Variants in FAM13B observed in about 807,000 individuals in gnomAD.
The protein encoded by FAM13B is protein FAM13B.
In FAM13B, 60 loss-of-function variants were observed where a neutral mutation model predicts 117.3. That is an observed-to-expected ratio of 0.51 (90% confidence interval 0.42 to 0.63). The LOEUF is 0.63. Ranked by LOEUF, FAM13B falls within the 30% of genes least tolerant of loss-of-function variation. FAM13B has a pLI of 0.00. For missense variants in FAM13B, 972 were observed against 1,091.9 expected (o/e 0.89, Z 1.55); for synonymous variants, 332 against 356.1 (o/e 0.93, Z 0.76).
chr5:137,946,895 A>G (rs1032944384), intron 18 of FAM13B, among the ~76,000 whole-genome samples: 3 of 152,208 alleles, frequency 2.0e-5, no homozygotes, highest in African/African-American at 7.2e-5. Flanking sequence ...AAAAAGCTCA[A>G]CAATGTCCAT....
intron 10 of FAM13B, among the ~76,000 whole-genome samples, chr5:137,978,755 C>T (rs1354042920): frequency 2.0e-5 from 3 of 152,224 alleles, no homozygotes; most frequent in Non-Finnish European, 2.9e-5. Flanking sequence ...CTTCAATCCC[C>T]GTTTATTCTA....
chr5:138,010,360 C>G (rs940646039), intron 6 of FAM13B, among the ~76,000 whole-genome samples: 4 of 152,182 alleles, frequency 2.6e-5, no homozygotes, highest in Non-Finnish European at 5.9e-5. Context: ...AATACCAACA[C>G]TTTGGAAGGC....
At chr5:137,971,230 A>G (rs1430645648) in intron 10 of FAM13B, among the ~76,000 whole-genome samples, 2 of 150,474 alleles carry the variant, frequency 1.3e-5, no homozygotes, top group African/African-American at 4.8e-5. Flanking sequence ...TCCTCAGCAA[A>G]TGTAAAAGAA....
intron 10 of FAM13B, 131 bp from the exon 11 acceptor site, chr5:137,962,600 C>G: frequency 1.4e-6 from 1 of 693,962 alleles, no homozygotes; most frequent in Non-Finnish European, 2.4e-6. Flanking sequence ...TTATAATAGT[C>G]TGTAGTACTT....
At position 138,011,287 on chromosome 5, in the gene FAM13B, C is replaced by A. The variant is rs568030686; in HGVS notation, c.549-138G>T. 20 of 758,188 alleles carry A rather than the reference C, an allele frequency of 2.6e-5. No individual in the cohort carries two copies. In the African/African-American group the frequency reaches 2.7e-4, roughly 10 times the overall value. 47.0% of individuals were successfully genotyped at this position (758,188 alleles called of 1,614,324 possible). On this transcript the variant is annotated intron_variant, in intron 5 of 23. Coordinates refer to ENST00000689681, the MANE Select transcript of FAM13B (RefSeq NM_001385994.1). ...TGCTTCCATTCTCCCATCTGTAAAA[C>A]CTACCTAATTTGTACCCTGTTCACA... is the stretch of plus-strand genomic sequence containing the variant.
At chr5:137,944,231 T>C (rs1762758985) in intron 20 of FAM13B, among the ~76,000 whole-genome samples, 1 of 152,184 alleles carries the variant, frequency 6.6e-6, no homozygotes, top group South Asian at 2.1e-4. Context: ...GTATTTTGAG[T>C]GTACGGGTTA....
intron 9 of FAM13B, 28 bp from the exon 10 acceptor site, chr5:137,985,417 A>G (rs745909786): frequency 6.2e-7 from 1 of 1,610,182 alleles, no homozygotes; most frequent in South Asian, 1.1e-5. Flanking sequence ...AAATCAGATC[A>G]GGCCAAATGT....
Position 138,021,106 on chromosome 5 carries a change from T to C in FAM13B, c.-111A>G, listed in dbSNP as rs1786606295. The stretch of plus-strand genomic sequence containing the variant: ...CCCTCACTGAGCAAGCATTCTTTTG[T>C]CATTTATGGCTGTTTGAGATTATGG... On this transcript the variant is annotated 5_prime_UTR_variant, in exon 2 of 24. Coordinates refer to ENST00000689681, the MANE Select transcript of FAM13B (RefSeq NM_001385994.1). 8.1e-7 allele frequency: 1 copy of C among 1,231,580 alleles called. No individual in the cohort carries two copies. Among genetic ancestry groups the C allele is most frequent in the African/African-American group, 1.6e-5 (1 of 64,430 alleles). 76.3% of individuals were successfully genotyped at this position (1,231,580 alleles called of 1,614,324 possible).
intron 1 of FAM13B, among the ~76,000 whole-genome samples, chr5:138,038,887 G>T (rs962468455): frequency 6.6e-6 from 1 of 152,188 alleles, no homozygotes; most frequent in Admixed American, 6.5e-5. Flanking sequence ...CCCTGGAAAA[G>T]CTTCATCTTA....
At position 137,999,293 on chromosome 5, in the gene FAM13B, T is replaced by C. The variant is rs560799800; in HGVS notation, c.848+7697A>G. Among the ~76,000 whole-genome samples the C allele has an allele frequency of 2.6e-5, 4 of 152,110 alleles. No individual in the cohort carries two copies. The South Asian group carries it at 8.3e-4, about 32-fold the overall frequency. On this transcript the variant is annotated intron_variant, in intron 7 of 23. Transcript: ENST00000689681. ...ATGCCCAGCTCATTTTAAAAAATTT[T>C]CTGGCCAGGCGCAGTGGCTCATGCC...
chr5:138,040,256 C>CT (rs1430703906), intron 1 of FAM13B, among the ~76,000 whole-genome samples: 1 of 70,786 alleles, frequency 1.4e-5, no homozygotes, highest in East Asian at 4.2e-4. Context: ...GAGCAAGACT[C>CT]TGTCTCAAAA....
chr5:137,991,522 T>C (rs1266877493), intron 7 of FAM13B, among the ~76,000 whole-genome samples: 4 of 152,178 alleles, frequency 2.6e-5, no homozygotes, highest in Non-Finnish European at 4.4e-5. Flanking sequence ...TGTTATTTTG[T>C]TGGAGATCTA....
chr5:138,044,646 T>A (rs1791595006), intron 1 of FAM13B, among the ~76,000 whole-genome samples: 1 of 151,896 alleles, frequency 6.6e-6, no homozygotes, highest in African/African-American at 2.4e-5. Context: ...ATTGATAAAT[T>A]CAGCTATTTT....
At chr5:138,020,792 G>C (rs1001761714) in intron 2 of FAM13B, 1 of 217,544 alleles carries the variant, frequency 4.6e-6, no homozygotes, top group African/African-American at 2.3e-5. Flanking sequence ...ACTGGATCAA[G>C]AATGTCACAA....
chr5:137,983,017 A>G (rs945285241), intron 10 of FAM13B, among the ~76,000 whole-genome samples: 1 of 152,084 alleles, frequency 6.6e-6, no homozygotes, highest in Non-Finnish European at 1.5e-5. Context: ...TCAGTAGCAC[A>G]TAGATGGTAG....
At chr5:137,946,497 T>C in intron 18 of FAM13B, 186 bp from the exon 19 acceptor site, 1 of 499,368 alleles carries the variant, frequency 2.0e-6, no homozygotes, top group Non-Finnish European at 3.5e-6. Context: ...CAGTCTCCTG[T>C]ACAATTTGCT....
chr5:137,953,403 A>G lies in FAM13B; in HGVS notation c.1781T>C (p.Leu594Pro). The stretch of plus-strand genomic sequence containing the variant: ...GATTTTCTTCTGAAGTTTCTTGACC[A>G]GCTGATAAGGTGTTCTGTCCTCTCT... ...EKREDRTPYQLVKKLQKKIRQ... is the reference protein window; with the variant it reads ...EKREDRTPYQPVKKLQKKIRQ... The change falls in exon 16 of 24, where the codon CTG becomes CCG. Residue 594 changes from leucine (L) to proline (P), a missense_variant. Physicochemically the swap from Leu to Pro is moderately conservative, Grantham distance 98. Coordinates refer to ENST00000689681, the MANE Select transcript of FAM13B (RefSeq NM_001385994.1). 2.5e-6 allele frequency: 4 copies of G among 1,613,908 alleles called. No homozygotes were observed. Among genetic ancestry groups the G allele is most frequent in the Non-Finnish European group, 3.4e-6 (4 of 1,179,848 alleles).
chr5:138,044,788 T>G (rs1331760437), intron 1 of FAM13B, among the ~76,000 whole-genome samples: 2 of 152,196 alleles, frequency 1.3e-5, no homozygotes, highest in African/African-American at 4.8e-5. Flanking sequence ...TTAAATTTTT[T>G]AAAAAGACAA....
chr5:137,999,007 G>A (rs2150742419), intron 7 of FAM13B, among the ~76,000 whole-genome samples: 1 of 152,250 alleles, frequency 6.6e-6, no homozygotes, highest in South Asian at 2.1e-4. Context: ...GGTCCCCAAG[G>A]TCCCCCATCA....
Sources: allele counts gnomAD v4.1 joint callset (sites outside exome capture counted in the v4.1 genomes callset), GRCh38; gene constraint gnomAD v4.1.1; transcripts MANE v1.5; gene names NCBI Gene and HGNC (gene_info 2026-07-23, HGNC 2026-07-21).